The following SLC5A12 variants were observed in gnomAD, a reference collection of about 807,000 sequenced individuals.
The protein encoded by SLC5A12 is sodium-coupled monocarboxylate transporter 2.
Under a neutral mutation model 72.7 loss-of-function variants are expected in SLC5A12, and 46 were observed. The observed-to-expected ratio is 0.63, with a 90% CI of 0.50 to 0.81. SLC5A12 has a LOEUF of 0.81. Among genes scored for constraint, SLC5A12 ranks in the 30% least tolerant of loss-of-function variants. The pLI is 0.00. For missense variants in SLC5A12, 683 were observed against 740.7 expected, an observed-to-expected ratio of 0.92 and a Z score of 0.90; for synonymous variants, 275 against 264.4, an observed-to-expected ratio of 1.04 and a Z score of -0.39.
chr11:26,697,961 G>A (rs549144636), intron 7 of SLC5A12, among the ~76,000 whole-genome samples: 4 of 135,150 alleles, frequency 3.0e-5, no homozygotes, highest in East Asian at 2.4e-4. Context: ...GCAGTGGCAC[G>A]ATCTTGGCTC....
rs1021455582 is a variant in SLC5A12 at position 26,668,901 on chromosome 11, C to T, written c.*2201G>A. On this transcript the variant is annotated 3_prime_UTR_variant, in exon 15 of 15. Coordinates refer to ENST00000396005, the MANE Select transcript of SLC5A12 (RefSeq NM_178498.4). ...AGAAGAAACGTTTTTAAAACTTTCT[C>T]GGAAATGTACTGACCTAGTGAAATG... 2.5e-4 allele frequency: 38 copies of T among 151,812 alleles called. No individual in the cohort carries two copies. The highest frequency in any genetic ancestry group is 2.4e-3 in the Admixed American group (36 of 15,204). 9.4% of individuals were successfully genotyped at this position (151,812 alleles called of 1,614,324 possible).
At chr11:26,716,049 G>A (rs929305430) in intron 1 of SLC5A12, among the ~76,000 whole-genome samples, 1 of 152,142 alleles carries the variant, frequency 6.6e-6, no homozygotes, top group Admixed American at 6.6e-5. Flanking sequence ...GAAGTGGGGA[G>A]GTGTAACAAA....
At chr11:26,683,311 C>T (rs1854451515) in intron 11 of SLC5A12, among the ~76,000 whole-genome samples, 1 of 152,050 alleles carries the variant, frequency 6.6e-6, no homozygotes, top group African/African-American at 2.4e-5. Context: ...CAAGTTTGTC[C>T]CTTCTCCCCT....
At chr11:26,702,553 G>A (rs1027944003) in intron 6 of SLC5A12, among the ~76,000 whole-genome samples, 1 of 152,116 alleles carries the variant, frequency 6.6e-6, no homozygotes. Context: ...ATGCAGTTCT[G>A]GCTTATTTCT....
intron 1 of SLC5A12, among the ~76,000 whole-genome samples, chr11:26,717,461 A>G (rs1455680178): frequency 2.0e-5 from 3 of 152,214 alleles, no homozygotes; most frequent in Non-Finnish European, 4.4e-5. Context: ...AACAAACTGT[A>G]CAATTGAGAT....
intron 14 of SLC5A12, 33 bp from the exon 15 acceptor site, chr11:26,671,284 A>G (rs371258268): frequency 1.9e-6 from 3 of 1,556,982 alleles, no homozygotes; most frequent in Non-Finnish European, 2.6e-6. Flanking sequence ...TATTAGCAAG[A>G]TATCCTTGAT....
At chr11:26,685,510 A>G (rs141262059) in intron 10 of SLC5A12, among the ~76,000 whole-genome samples, 2,476 of 152,154 alleles carry the variant, frequency 0.016, 47 homozygotes, top group Admixed American at 0.03. Flanking sequence ...TGGGAGGCTG[A>G]GGCAGGAGAA....
intron 9 of SLC5A12, among the ~76,000 whole-genome samples, chr11:26,688,853 A>G (rs1243475740): frequency 1.3e-5 from 2 of 152,164 alleles, no homozygotes; most frequent in Non-Finnish European, 2.9e-5. Flanking sequence ...CTAGCTATTT[A>G]TCAAAGAGAA....
In SLC5A12 at chr11:26,721,940, C is replaced by CCAAGAGAT. The variant is rs1230047701; in HGVS notation, c.-234_-227dup. 12 of 531,230 alleles carry CCAAGAGAT rather than the reference C, an allele frequency of 2.3e-5. No individual in the cohort carries two copies. The highest frequency in any genetic ancestry group is 4.0e-5 in the Non-Finnish European group (12 of 300,140). 32.9% of individuals were successfully genotyped at this position (531,230 alleles called of 1,614,324 possible). A position where few individuals can be genotyped will look rare whatever the true frequency, so the allele number is the denominator to read the frequency against. ...GAAGAATCTGGTGGTGGTATTGGCA[C>CCAAGAGAT]CAAGAGATGAGAATTTGAAATCTGA... On this transcript the variant is annotated 5_prime_UTR_variant, in exon 1 of 15. Transcript: ENST00000396005.
rs140887574 is a variant in SLC5A12 at position 26,720,637 on chromosome 11, T to C, written c.339+739A>G. Among the ~76,000 whole-genome samples, 914 of 152,218 alleles carry C rather than the reference T, an allele frequency of 6.0e-3. 12 individuals are homozygous for C. The East Asian group carries it at 0.068, about 11-fold the overall frequency. On this transcript the variant is annotated intron_variant, in intron 1 of 14. Coordinates refer to ENST00000396005, the MANE Select transcript of SLC5A12 (RefSeq NM_178498.4). ...AATGATATTGGATAATGAAAATAAA[T>C]ACCTTATTAATAGAAACTTATGTTT...
chr11:26,708,464 T>G (rs920511746), intron 4 of SLC5A12, among the ~76,000 whole-genome samples: 1 of 152,094 alleles, frequency 6.6e-6, no homozygotes, highest in Non-Finnish European at 1.5e-5. Flanking sequence ...ATTTTAAAAT[T>G]GTATATAATT....
chr11:26,701,101 C>A (rs1227580311), intron 6 of SLC5A12, among the ~76,000 whole-genome samples: 2 of 152,080 alleles, frequency 1.3e-5, no homozygotes, highest in African/African-American at 4.8e-5. Flanking sequence ...CTTCCAGATG[C>A]CCCTGAGTGC....
At chr11:26,698,331 G>A (rs1854875708) in intron 7 of SLC5A12, 75 bp downstream of exon 7, 1 of 1,556,634 alleles carries the variant, frequency 6.4e-7, no homozygotes. Flanking sequence ...AAAAGAGAAA[G>A]GCCAAGATTA....
intron 14 of SLC5A12, among the ~76,000 whole-genome samples, chr11:26,671,480 G>C (rs7101811): frequency 0.28 from 43,277 of 151,982 alleles, 6,351 homozygotes; most frequent in East Asian, 0.47. Flanking sequence ...AGCATTTACA[G>C]TATGTCTCGT....
chr11:26,696,924 T>C (rs1339539000), intron 8 of SLC5A12, among the ~76,000 whole-genome samples: 1 of 152,218 alleles, frequency 6.6e-6, no homozygotes, highest in Non-Finnish European at 1.5e-5. Context: ...CCCTGCAGTT[T>C]ACTAACTCAC....
At chr11:26,686,125 G>A (rs1335187533) in intron 10 of SLC5A12, among the ~76,000 whole-genome samples, 2 of 152,036 alleles carry the variant, frequency 1.3e-5, no homozygotes, top group African/African-American at 4.8e-5. Context: ...AATTATTATT[G>A]GTTTTACTAT....
rs760512567 is a variant in SLC5A12 at position 26,721,621 on chromosome 11, C to A, written c.94G>T (p.Glu32Ter). The change falls in exon 1 of 15, where the codon GAG becomes TAG. Residue 32 changes from glutamate (E) to a stop codon, truncating the protein, a stop_gained. Coordinates refer to ENST00000396005, the MANE Select transcript of SLC5A12 (RefSeq NM_178498.4). LOFTEE classifies it high-confidence loss of function. ...SGIGVFFAIK[E>*]RKKATSREFL... is the part of the protein sequence containing the mutation. The stretch of plus-strand genomic sequence containing the variant: ...TCTCGGGAAGTTGCCTTTTTTCTCT[C>A]CTTAATGGCAAAGAACACCCCAATT... 1.9e-6 allele frequency: 3 copies of A among 1,614,032 alleles called. No homozygotes were observed. The highest frequency in any genetic ancestry group is 2.5e-6 in the Non-Finnish European group (3 of 1,180,038).
At chr11:26,676,859 T>C (rs1359868883) in intron 13 of SLC5A12, among the ~76,000 whole-genome samples, 1 of 152,154 alleles carries the variant, frequency 6.6e-6, no homozygotes, top group Non-Finnish European at 1.5e-5. Flanking sequence ...ATAAACAGCA[T>C]ATCTTCGAGG....
rs1248308088 is a variant in SLC5A12 at position 26,703,812 on chromosome 11, A to T, written c.661T>A (p.Ser221Thr). The T allele has an allele frequency of 1.9e-6, 3 of 1,613,906 alleles. No homozygotes were observed. The highest frequency in any genetic ancestry group is 2.5e-6 in the Non-Finnish European group (3 of 1,179,856). Residue 221 changes from serine (S) to threonine (T), a missense_variant, in exon 5 of 15, where the codon TCT (serine) becomes ACT (threonine). By Grantham distance (58) the Ser-to-Thr change is moderately conservative. Transcript: ENST00000396005. ...HNVLEQSTNG[S>T]RLHIFDFDVD... Reference sequence around the variant, plus strand: ...ACATACTCAAATATATGTAGTCGAGATCCATTTGTTGATTGCTCTAATACA... The same window carrying T: ...ACATACTCAAATATATGTAGTCGAGTTCCATTTGTTGATTGCTCTAATACA...
Sources: allele counts gnomAD v4.1 joint callset (sites outside exome capture counted in the v4.1 genomes callset), GRCh38; gene constraint gnomAD v4.1.1; transcripts MANE v1.5; gene names NCBI Gene and HGNC (gene_info 2026-07-23, HGNC 2026-07-21).